EYS: variants seen among roughly 807,000 people sequenced by gnomAD.
The protein encoded by EYS is EGF-like photoreceptor maintenance factor.
EYS carries 250 observed loss-of-function variants against 282.1 expected under a neutral mutation model. That is an observed-to-expected ratio of 0.89 (90% confidence interval 0.80 to 0.98). The LOEUF is 0.98. Among genes scored for constraint, EYS ranks in the 50% least tolerant of loss-of-function variants. The pLI, the probability that EYS is intolerant of heterozygous loss-of-function variation, is 0.00. For synonymous variants in EYS, 1,355 were observed against 1,282.9 expected (o/e 1.06, Z -1.20); for missense variants, 4,016 against 3,709.0 (o/e 1.08, Z -2.15).
At chr6:65,496,857 T>G (rs1490145860) in intron 2 of EYS, among the ~76,000 whole-genome samples, 1 of 152,106 alleles carries the variant, frequency 6.6e-6, no homozygotes, top group African/African-American at 2.4e-5. Context: ...TATAATTTAT[T>G]TGTTAATTCA....
intron 8 of EYS, among the ~76,000 whole-genome samples, chr6:65,371,083 G>A (rs953179367): frequency 4.6e-5 from 7 of 151,736 alleles, no homozygotes; most frequent in Non-Finnish European, 7.4e-5. Context: ...TTCTCCATGA[G>A]TTCTGCATCC....
intron 31 of EYS, among the ~76,000 whole-genome samples, chr6:64,203,985 T>A (rs1394945523): frequency 6.6e-6 from 1 of 152,198 alleles, no homozygotes; most frequent in Non-Finnish European, 1.5e-5. Flanking sequence ...CAATATAAAT[T>A]TTATGCCTTC....
intron 5 of EYS, among the ~76,000 whole-genome samples, chr6:65,448,007 C>T (rs1582308997): frequency 6.6e-6 from 1 of 152,032 alleles, no homozygotes; most frequent in Admixed American, 6.6e-5. Flanking sequence ...AGCAGAAATA[C>T]AGTCAAGTCA....
intron 31 of EYS, among the ~76,000 whole-genome samples, chr6:64,207,140 G>T: frequency 6.6e-6 from 1 of 152,052 alleles, no homozygotes; most frequent in African/African-American, 2.4e-5. Context: ...GGTACTGGAC[G>T]ATGGGGCCTT....
At chr6:65,442,823 T>C in intron 5 of EYS, among the ~76,000 whole-genome samples, 1 of 150,812 alleles carries the variant, frequency 6.6e-6, no homozygotes, top group Non-Finnish European at 1.5e-5. Context: ...TATGTGTATA[T>C]GTACATATAT....
chr6:64,495,024 C>G (rs1776848802), intron 26 of EYS, among the ~76,000 whole-genome samples: 1 of 151,594 alleles, frequency 6.6e-6, no homozygotes, highest in African/African-American at 2.4e-5. Context: ...TTTATAATTA[C>G]TGTGATATGT....
intron 1 of EYS, among the ~76,000 whole-genome samples, chr6:65,660,903 A>C (rs1767982243): frequency 1.3e-5 from 2 of 151,832 alleles, no homozygotes; most frequent in South Asian, 4.1e-4. Flanking sequence ...AATTGCTTTA[A>C]TACTCTACTA....
chr6:65,462,607 T>G (rs528550232), intron 5 of EYS, among the ~76,000 whole-genome samples: 1 of 152,184 alleles, frequency 6.6e-6, no homozygotes, highest in East Asian at 1.9e-4. Flanking sequence ...ATGTCTTTAC[T>G]ACAAGATACA....
chr6:64,652,595 A>C (rs1211168646), intron 22 of EYS, among the ~76,000 whole-genome samples: 1 of 152,204 alleles, frequency 6.6e-6, no homozygotes, highest in Non-Finnish European at 1.5e-5. Context: ...ACAGAGAACC[A>C]GTCACGCCAT....
At chr6:64,350,326 C>T (rs1771577513) in intron 29 of EYS, among the ~76,000 whole-genome samples, 1 of 88,014 alleles carries the variant, frequency 1.1e-5, no homozygotes, top group African/African-American at 3.9e-5. Flanking sequence ...TATGACAAGC[C>T]CTTGCTTAAA....
intron 10 of EYS, among the ~76,000 whole-genome samples, chr6:65,343,480 TA>T (rs1431436765): frequency 6.6e-6 from 1 of 151,334 alleles, no homozygotes; most frequent in African/African-American, 2.4e-5. Flanking sequence ...TGTTACATAT[TA>T]AAAAATATAA....
chr6:65,416,664 C>T (rs1299742910), intron 5 of EYS, among the ~76,000 whole-genome samples: 3 of 151,764 alleles, frequency 2.0e-5, no homozygotes, highest in Admixed American at 6.6e-5. Flanking sequence ...TTGGTCAGTC[C>T]TCTGATGAAG....
At chr6:64,504,332 G>C (rs1314718444) in intron 26 of EYS, among the ~76,000 whole-genome samples, 1 of 152,102 alleles carries the variant, frequency 6.6e-6, no homozygotes. Flanking sequence ...TAACATTTTA[G>C]GAAAACTTAC....
At chr6:65,576,643 T>C (rs1234019399) in intron 2 of EYS, among the ~76,000 whole-genome samples, 1 of 151,910 alleles carries the variant, frequency 6.6e-6, no homozygotes, top group Non-Finnish European at 1.5e-5. Context: ...GAAATCATTT[T>C]GGTTTTCAGA....
intron 40 of EYS, among the ~76,000 whole-genome samples, chr6:63,769,194 T>A (rs968579180): frequency 6.6e-6 from 1 of 151,920 alleles, no homozygotes; most frequent in Non-Finnish European, 1.5e-5. Flanking sequence ...GTAACAAACC[T>A]GCACATGGAC....
intron 5 of EYS, among the ~76,000 whole-genome samples, chr6:65,424,460 C>T (rs1305004867): frequency 6.6e-6 from 1 of 151,850 alleles, no homozygotes; most frequent in Non-Finnish European, 1.5e-5. Context: ...CTTCCTTTCA[C>T]GGCCATTGAA....
chr6:64,920,826 A>G (rs572524672), intron 15 of EYS, among the ~76,000 whole-genome samples: 54 of 152,242 alleles, frequency 3.5e-4, no homozygotes, highest in African/African-American at 1.2e-3. Flanking sequence ...CAGGATACAG[A>G]GTGTTACATA....
At chr6:64,226,412 T>TTTAC (rs960501408) in intron 31 of EYS, among the ~76,000 whole-genome samples, 1 of 152,128 alleles carries the variant, frequency 6.6e-6, no homozygotes, top group African/African-American at 2.4e-5. Flanking sequence ...ACTCCTTTAT[T>TTTAC]TTACTATTTA....
chr6:64,914,848 CATG>C lies in EYS; in HGVS notation c.2382-2108_2382-2106del, dbSNP rs953822911. Among the ~76,000 whole-genome samples the C allele has an allele frequency of 4.0e-5, 6 of 151,880 alleles. No individual in the cohort carries two copies. The South Asian group carries it at 8.3e-4, about 21-fold the overall frequency. ...GCTGTGGGTAGAAAGTAATTGCTAT[CATG>C]ATAATTGCACATTTCTTTGTGAAGC... On this transcript the variant is annotated intron_variant, in intron 15 of 42. Transcript: ENST00000503581.
Sources: gnomAD v4.1 joint callset for allele counts (sites outside exome capture counted in the v4.1 genomes callset) on GRCh38, gnomAD v4.1.1 for gene constraint, MANE v1.5 for transcripts, NCBI Gene and HGNC (gene_info 2026-07-23, HGNC 2026-07-21) for gene names.